RASAL2: variants seen among roughly 807,000 people sequenced by gnomAD.
The protein encoded by RASAL2 is ras GTPase-activating protein nGAP.
In RASAL2, 58 loss-of-function variants were observed where a neutral mutation model predicts 128.9. The observed-to-expected ratio is 0.45, with a 90% CI of 0.36 to 0.56. RASAL2 has a LOEUF of 0.56. RASAL2 is among the 20% of genes least tolerant of loss of function. The probability of loss-of-function intolerance (pLI) is 0.00; values close to 1 mark genes in which losing one functional copy is unlikely to be tolerated. For missense variants in RASAL2, 1,360 were observed against 1,601.6 expected (o/e 0.85, Z 2.57); for synonymous variants, 561 against 580.8 (o/e 0.97, Z 0.49).
intron 4 of RASAL2, among the ~76,000 whole-genome samples, chr1:178,413,953 G>A (rs1481516351): frequency 6.6e-6 from 1 of 151,948 alleles, no homozygotes; most frequent in Non-Finnish European, 1.5e-5. Context: ...AGTAGAAAGT[G>A]GCAAGACTGA....
At chr1:178,259,230 A>G (rs1032958095) in intron 1 of RASAL2, among the ~76,000 whole-genome samples, 1 of 138,666 alleles carries the variant, frequency 7.2e-6, no homozygotes, top group African/African-American at 2.7e-5. Flanking sequence ...TCCCAGGTTC[A>G]CGCCATTCTC....
chr1:178,361,041 A>C (rs1255248361), intron 3 of RASAL2, among the ~76,000 whole-genome samples: 1 of 152,214 alleles, frequency 6.6e-6, no homozygotes, highest in African/African-American at 2.4e-5. Context: ...TCTTGAGAAC[A>C]AATCTTTTTC....
intron 2 of RASAL2, among the ~76,000 whole-genome samples, chr1:178,285,376 T>C (rs1666980213): frequency 1.3e-5 from 2 of 152,030 alleles, no homozygotes; most frequent in Admixed American, 1.3e-4. Context: ...CGCCTCGGCC[T>C]CCCAAAGTGC....
intron 3 of RASAL2, among the ~76,000 whole-genome samples, chr1:178,345,420 G>A (rs1195070329): frequency 6.6e-6 from 1 of 152,124 alleles, no homozygotes; most frequent in Non-Finnish European, 1.5e-5. Context: ...TAGCCTGTTA[G>A]ACAAGTTGCT....
At chr1:178,189,974 C>G (rs1472824733) in intron 1 of RASAL2, among the ~76,000 whole-genome samples, 3 of 152,026 alleles carry the variant, frequency 2.0e-5, no homozygotes, top group African/African-American at 4.8e-5. Context: ...TGGGGGCATG[C>G]TGAGTAGTGT....
chr1:178,387,549 G>A lies in RASAL2; in HGVS notation c.458-2551G>A, dbSNP rs372528757. ...CTCCCCCTACCCCACAACAGTCCCC[G>A]GAGTGTGATGTTCCCCTTCCTGTGT... is the stretch of plus-strand genomic sequence containing the variant. On this transcript the variant is annotated intron_variant, in intron 3 of 17. Coordinates refer to ENST00000367649, the MANE Select transcript of RASAL2 (RefSeq NM_170692.4). 3.1e-5 allele frequency among the ~76,000 whole-genome samples: 4 copies of A among 128,462 alleles called. 1 individual carries two copies. The highest frequency in any genetic ancestry group is 2.7e-4 in the South Asian group (1 of 3,638). 84.3% of individuals were successfully genotyped at this position (128,462 alleles called of 152,430 possible).
rs1394946393 is a variant in RASAL2, at chr1:178,474,350, G to C, written c.*1111G>C. On this transcript the variant is annotated 3_prime_UTR_variant, in exon 18 of 18. Transcript: ENST00000367649. ...CATTGTACTAGCAAATCTATGGGGG[G>C]TAATTTTATCTCCATCTTTAACTTT... 6.6e-6 allele frequency: 1 copy of C among 152,242 alleles called. No individual in the cohort carries two copies. The highest frequency in any genetic ancestry group is 2.4e-5 in the African/African-American group (1 of 41,432). 9.4% of individuals were successfully genotyped at this position (152,242 alleles called of 1,614,324 possible). A position where few individuals can be genotyped will look rare whatever the true frequency, so the allele number is the denominator to read the frequency against.
intron 1 of RASAL2, among the ~76,000 whole-genome samples, chr1:178,180,088 A>G (rs1032577651): frequency 6.6e-6 from 1 of 152,188 alleles, no homozygotes. Flanking sequence ...TCTAATCTAC[A>G]GTATAATCCT....
chr1:178,387,411 A>T (rs1409997380), intron 3 of RASAL2, among the ~76,000 whole-genome samples: 1 of 151,976 alleles, frequency 6.6e-6, no homozygotes, highest in Non-Finnish European at 1.5e-5. Context: ...TTTAGGGTAC[A>T]TGTGCACCAT....
intron 1 of RASAL2, among the ~76,000 whole-genome samples, chr1:178,265,867 A>G (rs998925837): frequency 3.3e-5 from 5 of 152,234 alleles, no homozygotes; most frequent in African/African-American, 1.2e-4. Flanking sequence ...ACAAAATTAC[A>G]CATCTTTTGT....
chr1:178,166,733 A>G (rs1350761349), intron 1 of RASAL2, among the ~76,000 whole-genome samples: 1 of 152,168 alleles, frequency 6.6e-6, no homozygotes, highest in Non-Finnish European at 1.5e-5. Flanking sequence ...TATGAAGACT[A>G]TACATTAGGA....
chr1:178,334,608 G>T (rs1206595213), intron 3 of RASAL2, among the ~76,000 whole-genome samples: 1 of 152,138 alleles, frequency 6.6e-6, no homozygotes, highest in African/African-American at 2.4e-5. Flanking sequence ...CTCCCAGAGT[G>T]CTGGGATTAC....
intron 1 of RASAL2, among the ~76,000 whole-genome samples, chr1:178,187,090 A>G (rs191147378): frequency 6.6e-6 from 1 of 152,110 alleles, no homozygotes; most frequent in Non-Finnish European, 1.5e-5. Flanking sequence ...GGCCTCCCAA[A>G]GTGCTGGGAT....
intron 1 of RASAL2, among the ~76,000 whole-genome samples, chr1:178,217,620 A>G (rs145736871): frequency 9.0e-4 from 137 of 152,362 alleles, no homozygotes; most frequent in African/African-American, 2.8e-3. Context: ...TCCATATAAA[A>G]GTTGTGCATT....
chr1:178,395,475 A>G (rs1557954859), intron 4 of RASAL2, among the ~76,000 whole-genome samples: 2 of 152,150 alleles, frequency 1.3e-5, no homozygotes, highest in African/African-American at 4.8e-5. Flanking sequence ...TGTTTGCCAC[A>G]ATCAGTTCAG....
At chr1:178,168,736 T>G (rs1294698415) in intron 1 of RASAL2, among the ~76,000 whole-genome samples, 1 of 152,110 alleles carries the variant, frequency 6.6e-6, no homozygotes, top group African/African-American at 2.4e-5. Context: ...GTCTGCACCA[T>G]CACATGAGAG....
At chr1:178,319,377 C>T (rs1284118361) in intron 3 of RASAL2, among the ~76,000 whole-genome samples, 1 of 151,814 alleles carries the variant, frequency 6.6e-6, no homozygotes, top group African/African-American at 2.4e-5. Context: ...TGGATAATAT[C>T]CTGCAGTGTG....
intron 3 of RASAL2, among the ~76,000 whole-genome samples, chr1:178,312,946 T>A (rs1332440907): frequency 1.3e-5 from 2 of 152,202 alleles, no homozygotes; most frequent in Admixed American, 1.3e-4. Flanking sequence ...AAGAGGTAGA[T>A]AATGTTACAA....
rs1188539883 is a variant in RASAL2 at position 178,473,911 on chromosome 1, T to G, written c.*672T>G. ...AAGCTGTTGCATCAAAACTGGACTT[T>G]AGGAGTAATTTCTATTGAACTCCTG... On this transcript the variant is annotated 3_prime_UTR_variant, in exon 18 of 18. Transcript: ENST00000367649. The G allele has an allele frequency of 1.3e-5, 2 of 152,460 alleles. No homozygotes were observed. The highest frequency in any genetic ancestry group is 4.8e-5 in the African/African-American group (2 of 41,472). The allele number at this position is 152,460 out of a possible 1,614,324, so 9.4% of individuals were successfully genotyped here. A position where few individuals can be genotyped will look rare whatever the true frequency, so the allele number is the denominator to read the frequency against.
Sources: allele counts gnomAD v4.1 joint callset (sites outside exome capture counted in the v4.1 genomes callset), GRCh38; gene constraint gnomAD v4.1.1; transcripts MANE v1.5; gene names NCBI Gene and HGNC (gene_info 2026-07-23, HGNC 2026-07-21).